Variants in RBFOX1 observed in about 807,000 individuals in gnomAD.
RBFOX1 encodes RNA binding protein fox-1 homolog 1.
RBFOX1 carries 8 observed loss-of-function variants against 57.7 expected under a neutral mutation model. The ratio of observed to expected loss-of-function variants is 0.14; its 90% CI spans 0.08 to 0.25. RBFOX1 has a LOEUF of 0.25. RBFOX1 is among the 10% of genes least tolerant of loss of function. RBFOX1 has a pLI of 1.00. For missense variants in RBFOX1, 611 were observed against 548.5 expected (o/e 1.11, Z -1.14); for synonymous variants, 326 against 222.4 (o/e 1.47, Z -4.15).
At chr16:6,076,334 G>GCACACACACACATACA (rs2095900268) in intron 1 of RBFOX1, among the ~76,000 whole-genome samples, 1 of 149,220 alleles carries the variant, frequency 6.7e-6, no homozygotes, top group Non-Finnish European at 1.5e-5. Context: ...AAACACACGC[G>GCACACACACACATACA]CACACACACA....
chr16:7,114,355 C>G (rs901793998), intron 4 of RBFOX1, among the ~76,000 whole-genome samples: 5 of 152,140 alleles, frequency 3.3e-5, no homozygotes, highest in African/African-American at 9.7e-5. Context: ...GGTCCAAGGT[C>G]ACATATTTAA....
chr16:6,704,971 A>G (rs1172394086), intron 3 of RBFOX1: 1 of 152,102 alleles, frequency 6.6e-6, no homozygotes, highest in African/African-American at 2.4e-5. Flanking sequence ...TTTATTTGGG[A>G]TAATGCTACC....
chr16:6,961,034 T>G (rs11861457), intron 3 of RBFOX1, among the ~76,000 whole-genome samples: 89,233 of 146,846 alleles, frequency 0.61, 27,273 homozygotes, highest in Non-Finnish European at 0.63. Context: ...GTCCAGCTAC[T>G]CAGGAGGCTG....
chr16:6,000,407 G>A (rs574290828), intron 4 of RBFOX1, among the ~76,000 whole-genome samples: 11 of 152,260 alleles, frequency 7.2e-5, no homozygotes, highest in African/African-American at 2.6e-4. Context: ...CTGTGGGGGC[G>A]TTTCCTTTGC....
At chr16:6,194,704 T>G (rs898079932) in intron 1 of RBFOX1, among the ~76,000 whole-genome samples, 7 of 152,192 alleles carry the variant, frequency 4.6e-5, no homozygotes, top group African/African-American at 1.7e-4. Context: ...GTTTCTTACA[T>G]TCATGGGCAC....
chr16:6,318,064 G>T (rs565528536), intron 2 of RBFOX1, among the ~76,000 whole-genome samples: 90 of 152,156 alleles, frequency 5.9e-4, no homozygotes, highest in Non-Finnish European at 1.0e-3. Context: ...TTTGCCCTCA[G>T]TGGGATTGCA....
chr16:6,214,709 A>AAGAGGGAGAAGGAGAGAGGGAGAAGG (rs1567694917), intron 1 of RBFOX1, among the ~76,000 whole-genome samples: 2 of 65,390 alleles, frequency 3.1e-5, no homozygotes, highest in African/African-American at 1.2e-4. Flanking sequence ...GGGAGAGGGA[A>AAGAGGGAGAAGGAGAGAGGGAGAAGG]AGAGGGAGAA....
At chr16:6,456,293 T>G (rs181331681) in intron 2 of RBFOX1, among the ~76,000 whole-genome samples, 1 of 152,066 alleles carries the variant, frequency 6.6e-6, no homozygotes, top group Admixed American at 6.6e-5. Context: ...TGTGTAAGAG[T>G]GTGCATCTAT....
At position 6,019,892 on chromosome 16, in the gene RBFOX1, C is replaced by G. The variant is rs751979022; in HGVS notation, c.-227C>G. On this transcript the variant is annotated 5_prime_UTR_variant, in exon 1 of 16. Transcript: ENST00000550418. This position sits in a 1 kb window ranked among gnomAD's most constrained non-coding sequence, Gnocchi z 4.2. ...AAACCAGCACCCCCTTCCGCCGCCT[C>G]CAGCTTATGGTGAGTGTGGCTGGGG... The G allele has an allele frequency of 9.8e-6, 15 of 1,535,028 alleles. No individual in the cohort carries two copies. The South Asian group carries it at 1.3e-4, about 13-fold the overall frequency.
chr16:7,270,263 T>C (rs2095285477), intron 4 of RBFOX1, among the ~76,000 whole-genome samples: 1 of 152,194 alleles, frequency 6.6e-6, no homozygotes, highest in African/African-American at 2.4e-5. Flanking sequence ...AGCAGCCTCA[T>C]TGAAGTAATT....
At chr16:6,899,489 T>C (rs1251320293) in intron 3 of RBFOX1, among the ~76,000 whole-genome samples, 6 of 152,224 alleles carry the variant, frequency 3.9e-5, no homozygotes, top group Admixed American at 3.3e-4. Flanking sequence ...CCGAGTCATC[T>C]GCTTACTATA....
intron 3 of RBFOX1, among the ~76,000 whole-genome samples, chr16:6,773,599 G>C (rs1443244757): frequency 7.3e-6 from 1 of 137,594 alleles, no homozygotes; most frequent in Non-Finnish European, 1.6e-5. Flanking sequence ...GTGTGTGTGT[G>C]TGTATGTGCA....
intron 4 of RBFOX1, among the ~76,000 whole-genome samples, chr16:7,236,685 T>C (rs868158226): frequency 1.3e-5 from 2 of 152,172 alleles, no homozygotes; most frequent in African/African-American, 2.4e-5. Context: ...TTAGTAACTT[T>C]ACTTTTTCTT....
intron 4 of RBFOX1, among the ~76,000 whole-genome samples, chr16:5,881,478 G>T (rs760282994): frequency 6.6e-6 from 1 of 152,062 alleles, no homozygotes; most frequent in Non-Finnish European, 1.5e-5. Flanking sequence ...TGAAGAGTTC[G>T]AGACCAACCT....
At chr16:6,410,827 C>T (rs1567214790) in intron 2 of RBFOX1, among the ~76,000 whole-genome samples, 1 of 152,194 alleles carries the variant, frequency 6.6e-6, no homozygotes, top group East Asian at 1.9e-4. Flanking sequence ...TGGAAGTAGG[C>T]ACTGTGGTCT....
At chr16:5,850,956 C>T (rs889500819) in intron 3 of RBFOX1, among the ~76,000 whole-genome samples, 10 of 152,188 alleles carry the variant, frequency 6.6e-5, no homozygotes, top group African/African-American at 1.4e-4. Flanking sequence ...TATCCTGCTG[C>T]GTTCCCGGAG....
At chr16:6,629,976 A>ATT (rs1361671800) in intron 2 of RBFOX1, among the ~76,000 whole-genome samples, 3 of 144,576 alleles carry the variant, frequency 2.1e-5, no homozygotes, top group Non-Finnish European at 3.0e-5. Flanking sequence ...TTTTTTTTAA[A>ATT]AAAAAAAAAG....
At chr16:6,584,700 A>G (rs537707580) in intron 2 of RBFOX1, among the ~76,000 whole-genome samples, 1 of 152,078 alleles carries the variant, frequency 6.6e-6, no homozygotes, top group East Asian at 1.9e-4. Context: ...GCACCCCTGA[A>G]TGACCTCTAG....
At chr16:5,834,737 AC>A (rs2056400901) in intron 3 of RBFOX1, among the ~76,000 whole-genome samples, 1 of 136,676 alleles carries the variant, frequency 7.3e-6, no homozygotes, top group East Asian at 2.0e-4. Flanking sequence ...ATAGATACAT[AC>A]ATACATACAT....
Sources: gnomAD v4.1 joint callset for allele counts (sites outside exome capture counted in the v4.1 genomes callset) on GRCh38, gnomAD v4.1.1 for gene constraint, Gnocchi (gnomAD v3.1) non-coding constraint, MANE v1.5 for transcripts, NCBI Gene and HGNC (gene_info 2026-07-23, HGNC 2026-07-21) for gene names.